The following KCNH7 variants were observed in gnomAD, a reference collection of about 807,000 sequenced individuals.
KCNH7 encodes the protein potassium voltage-gated channel subfamily H member 7.
Under a neutral mutation model 120.8 loss-of-function variants are expected in KCNH7, and 49 were observed. The ratio of observed to expected loss-of-function variants is 0.41; its 90% CI spans 0.32 to 0.51. KCNH7 has a LOEUF of 0.51. KCNH7 is among the 20% of genes least tolerant of loss of function. KCNH7 has a pLI of 0.38. For missense variants in KCNH7, 1,097 were observed against 1,446.6 expected, an observed-to-expected ratio of 0.76 and a Z score of 3.92; for synonymous variants, 547 against 516.1, an observed-to-expected ratio of 1.06 and a Z score of -0.81.
Position 162,807,705 on chromosome 2 carries a change from C to T in KCNH7, c.307+28832G>A, listed in dbSNP as rs189279993. Among the ~76,000 whole-genome samples the T allele has an allele frequency of 4.2e-3, 637 of 151,866 alleles. 6 individuals carry two copies. Among genetic ancestry groups the T allele is most frequent in the African/African-American group, 0.014 (592 of 41,422 alleles). On this transcript the variant is annotated intron_variant, in intron 2 of 15. Coordinates refer to ENST00000332142, the MANE Select transcript of KCNH7 (RefSeq NM_033272.4). ...TTTGTTTTGTTTTGTTTTTTTGAGA[C>T]GGAGTCTTGCTCTGTCGCCCAGACT...
At chr2:162,588,536 T>C (rs1694098026) in intron 2 of KCNH7, among the ~76,000 whole-genome samples, 1 of 152,126 alleles carries the variant, frequency 6.6e-6, no homozygotes, top group Admixed American at 6.6e-5. Context: ...AATTTGTCCC[T>C]CTTAATTCAG....
intron 2 of KCNH7, among the ~76,000 whole-genome samples, chr2:162,767,235 A>G (rs1682852648): frequency 6.6e-6 from 1 of 152,158 alleles, no homozygotes; most frequent in African/African-American, 2.4e-5. Flanking sequence ...ACACCTTTCT[A>G]GAAGTGAATT....
Position 162,517,788 on chromosome 2 carries a change from A to G in KCNH7, c.834T>C (p.Asp278=). The G allele has an allele frequency of 1.2e-6, 2 of 1,603,996 alleles. No individual in the cohort carries two copies. The highest frequency in any genetic ancestry group is 1.1e-5 in the South Asian group (1 of 90,842). Reference sequence around the variant, plus strand: ...TGGGGTGGACGCCGAATCCTTCTATATCATGGACCGAAGATGCTCTCCGTA... The same window carrying G: ...TGGGGTGGACGCCGAATCCTTCTATGTCATGGACCGAAGATGCTCTCCGTA... ...CSIRRASSVH[D]IEGFGVHPKN... Residue 278 remains aspartate, a synonymous_variant, in exon 4 of 16, where the codon GAT becomes GAC. Coordinates refer to ENST00000332142, the MANE Select transcript of KCNH7 (RefSeq NM_033272.4).
At chr2:162,769,238 T>C (rs200631581) in intron 2 of KCNH7, among the ~76,000 whole-genome samples, 1 of 139,014 alleles carries the variant, frequency 7.2e-6, no homozygotes, top group East Asian at 2.1e-4. Flanking sequence ...CTGGAAACGC[T>C]CCAGTTTATT....
At chr2:162,511,668 C>A (rs572789728) in intron 5 of KCNH7, among the ~76,000 whole-genome samples, 1 of 151,526 alleles carries the variant, frequency 6.6e-6, no homozygotes, top group South Asian at 2.1e-4. Context: ...TGCTCCCTAG[C>A]GCTATTAATT....
At chr2:162,532,803 C>A (rs574033147) in intron 3 of KCNH7, among the ~76,000 whole-genome samples, 1 of 151,930 alleles carries the variant, frequency 6.6e-6, no homozygotes, top group African/African-American at 2.4e-5. Flanking sequence ...CATATCCCAA[C>A]AAAATGGGAG....
At chr2:162,738,687 T>C (rs1187890865) in intron 2 of KCNH7, among the ~76,000 whole-genome samples, 1 of 152,248 alleles carries the variant, frequency 6.6e-6, no homozygotes, top group Non-Finnish European at 1.5e-5. Flanking sequence ...GTCTGGCTGT[T>C]AAGCAATTTC....
At chr2:162,490,229 T>C (rs60218725) in intron 6 of KCNH7, among the ~76,000 whole-genome samples, 12,222 of 152,264 alleles carry the variant, frequency 0.08, 611 homozygotes, top group African/African-American at 0.14. Flanking sequence ...AGGGGCCACA[T>C]GTGCACTAGG....
chr2:162,577,072 T>C lies in KCNH7; in HGVS notation c.308-39992A>G, dbSNP rs988905590. Among the ~76,000 whole-genome samples, 5 of 151,816 alleles carry C rather than the reference T, an allele frequency of 3.3e-5. No homozygotes were observed. In the East Asian group the frequency reaches 9.7e-4, roughly 30 times the overall value. On this transcript the variant is annotated intron_variant, in intron 2 of 15. Coordinates refer to ENST00000332142, the MANE Select transcript of KCNH7 (RefSeq NM_033272.4). ...CTGGGACTATAGGTGCACACCACCATGCCCAGATAATTAAAAAATTTTTTT... is the reference window on the plus strand; with the variant it reads ...CTGGGACTATAGGTGCACACCACCACGCCCAGATAATTAAAAAATTTTTTT...
chr2:162,427,609 T>A (rs766149667), intron 8 of KCNH7, among the ~76,000 whole-genome samples: 1 of 151,978 alleles, frequency 6.6e-6, no homozygotes, highest in African/African-American at 2.4e-5. Flanking sequence ...CCTTTTATGA[T>A]CTCGGTATTG....
intron 2 of KCNH7, among the ~76,000 whole-genome samples, chr2:162,570,810 A>T (rs1178381573): frequency 6.6e-6 from 1 of 152,140 alleles, no homozygotes; most frequent in Non-Finnish European, 1.5e-5. Context: ...GATTATCTCA[A>T]TAGATGCAGA....
At chr2:162,406,996 T>C (rs984508304) in intron 9 of KCNH7, among the ~76,000 whole-genome samples, 11 of 152,028 alleles carry the variant, frequency 7.2e-5, no homozygotes, top group Admixed American at 2.6e-4. Context: ...CAAATATGTA[T>C]TGTCTAGTTT....
chr2:162,486,789 CAACA>C (rs1448666832), intron 6 of KCNH7, among the ~76,000 whole-genome samples: 2 of 152,132 alleles, frequency 1.3e-5, no homozygotes, highest in East Asian at 3.9e-4. Flanking sequence ...TGTCTAGTAT[CAACA>C]AACAAACATA....
intron 2 of KCNH7, among the ~76,000 whole-genome samples, chr2:162,790,770 C>T (rs1683904510): frequency 6.6e-6 from 1 of 151,924 alleles, no homozygotes; most frequent in Non-Finnish European, 1.5e-5. Flanking sequence ...AGGCATTTGA[C>T]ACAATTCACA....
At chr2:162,681,750 G>T (rs1441403272) in intron 2 of KCNH7, among the ~76,000 whole-genome samples, 1 of 151,116 alleles carries the variant, frequency 6.6e-6, no homozygotes, top group African/African-American at 2.4e-5. Context: ...GCAACTAGTT[G>T]TAAGTGTATA....
chr2:162,620,938 C>T (rs907948802), intron 2 of KCNH7, among the ~76,000 whole-genome samples: 1 of 152,086 alleles, frequency 6.6e-6, no homozygotes, highest in Non-Finnish European at 1.5e-5. Flanking sequence ...TGTTATTATG[C>T]TGGGATGAAA....
chr2:162,531,066 A>G (rs1277738466), intron 3 of KCNH7, among the ~76,000 whole-genome samples: 1 of 151,926 alleles, frequency 6.6e-6, no homozygotes, highest in Non-Finnish European at 1.5e-5. Flanking sequence ...TTATCTGCAT[A>G]TTTTTACTCT....
At chr2:162,467,904 T>G (rs75325248) in intron 6 of KCNH7, among the ~76,000 whole-genome samples, 1,608 of 152,270 alleles carry the variant, frequency 0.011, 25 homozygotes, top group African/African-American at 0.037. Flanking sequence ...TCTTGTTGCA[T>G]CCTCAGGTGG....
intron 6 of KCNH7, among the ~76,000 whole-genome samples, chr2:162,483,444 C>T (rs1000904490): frequency 1.4e-4 from 22 of 151,994 alleles, no homozygotes; most frequent in African/African-American, 5.1e-4. Context: ...AGGGATTCTG[C>T]AGTGTGGAAC....
Sources: gnomAD v4.1 joint callset for allele counts (sites outside exome capture counted in the v4.1 genomes callset) on GRCh38, gnomAD v4.1.1 for gene constraint, MANE v1.5 for transcripts, NCBI Gene and HGNC (gene_info 2026-07-23, HGNC 2026-07-21) for gene names.